CRY1: variants seen among roughly 807,000 people sequenced by gnomAD.
The protein encoded by CRY1 is cryptochrome-1.
CRY1 carries 45 observed loss-of-function variants against 76.0 expected under a neutral mutation model. That is an observed-to-expected ratio of 0.59 (90% CI 0.47 to 0.76). The LOEUF is 0.76. CRY1 is among the 30% of genes least tolerant of loss of function. The pLI is 0.00. For synonymous variants in CRY1, 248 were observed against 244.0 expected (o/e 1.02, Z -0.15); for missense variants, 587 against 716.4 (o/e 0.82, Z 2.06).
intron 1 of CRY1, among the ~76,000 whole-genome samples, chr12:107,035,677 G>C (rs1242415037): frequency 6.6e-6 from 1 of 152,182 alleles, no homozygotes; most frequent in African/African-American, 2.4e-5. Flanking sequence ...CAAGCTCCTT[G>C]AACCATACAG....
At chr12:107,021,350 T>C (rs12309154) in intron 2 of CRY1, among the ~76,000 whole-genome samples, 1,956 of 152,296 alleles carry the variant, frequency 0.013, 46 homozygotes, top group African/African-American at 0.045. Flanking sequence ...TTACAATCCT[T>C]TGACCCAGAA....
chr12:107,083,023 C>T (rs1953347031), intron 1 of CRY1, among the ~76,000 whole-genome samples: 2 of 149,832 alleles, frequency 1.3e-5, no homozygotes. Context: ...ACCACTGATC[C>T]CTCAGAAGTA....
intron 1 of CRY1, among the ~76,000 whole-genome samples, chr12:107,072,742 T>C (rs1354377883): frequency 6.6e-6 from 1 of 152,222 alleles, no homozygotes; most frequent in Non-Finnish European, 1.5e-5. Context: ...TATTTTCATA[T>C]TTTAAAACTA....
chr12:107,037,697 TTTTATTTATTTA>T (rs138096287), intron 1 of CRY1, among the ~76,000 whole-genome samples: 4 of 150,874 alleles, frequency 2.7e-5, no homozygotes, highest in African/African-American at 7.4e-5. Flanking sequence ...TTAGAAATTA[TTTTATTTATTTA>T]TTTATTTATT....
In CRY1 at chr12:107,009,603, A is replaced by ATATATATATATATATATATATATATAT. The variant is rs1566245681; in HGVS notation, c.268-4356_268-4355insATATATATATATATATATATATATATA. 3.9e-4 allele frequency among the ~76,000 whole-genome samples: 3 copies of ATATATATATATATATATATATATATAT among 7,780 alleles called. 1 individual carries two copies. The highest frequency in any genetic ancestry group is 8.5e-4 in the African/African-American group (3 of 3,510). The allele number at this position is 7,780 out of a possible 152,430, so 5.1% of individuals were successfully genotyped here. A position where few individuals can be genotyped will look rare whatever the true frequency, so the allele number is the denominator to read the frequency against. On this transcript the variant is annotated intron_variant, in intron 2 of 12. Transcript: ENST00000008527. ...ATATATATATATATATATATATATA[A>ATATATATATATATATATATATATATAT]AATCTCTATATCTCCAGGTTCACGG...
At chr12:107,061,536 C>T (rs1402712419) in intron 1 of CRY1, among the ~76,000 whole-genome samples, 3 of 152,108 alleles carry the variant, frequency 2.0e-5, no homozygotes, top group East Asian at 1.9e-4. Flanking sequence ...TCCACCACCA[C>T]GCCCGGCTAA....
chr12:107,004,955 T>A (rs1303011798), intron 3 of CRY1, 151 bp downstream of exon 3: 1 of 638,920 alleles, frequency 1.6e-6, no homozygotes, highest in Non-Finnish European at 2.5e-6. Context: ...CCCATAACTC[T>A]GTGAAGTACA....
At chr12:107,068,532 A>G (rs950078367) in intron 1 of CRY1, among the ~76,000 whole-genome samples, 1 of 152,144 alleles carries the variant, frequency 6.6e-6, no homozygotes, top group African/African-American at 2.4e-5. Context: ...TCCTGACCTC[A>G]AGTGATCCAC....
At chr12:107,089,704 A>C (rs777578208) in intron 1 of CRY1, among the ~76,000 whole-genome samples, 36 of 152,212 alleles carry the variant, frequency 2.4e-4, no homozygotes, top group Non-Finnish European at 4.6e-4. Flanking sequence ...CCTGGAGTTG[A>C]AATCACATAT....
chr12:107,050,897 G>C lies in CRY1; in HGVS notation c.159-28705C>G, dbSNP rs115784521. Among the ~76,000 whole-genome samples the C allele has an allele frequency of 6.8e-3, 1,037 of 152,218 alleles. 15 individuals are homozygous for C. Among genetic ancestry groups the C allele is most frequent in the African/African-American group, 0.023 (954 of 41,536 alleles). Reference sequence around the variant, plus strand: ...GCATGAAAGAAAGGAAGAGTGGAATGGATGAGAAAGAGCAGGACAGAAAGA... The same window carrying C: ...GCATGAAAGAAAGGAAGAGTGGAATCGATGAGAAAGAGCAGGACAGAAAGA... On this transcript the variant is annotated intron_variant, in intron 1 of 12. Coordinates refer to ENST00000008527, the MANE Select transcript of CRY1 (RefSeq NM_004075.5).
intron 1 of CRY1, among the ~76,000 whole-genome samples, chr12:107,070,867 AT>A (rs59675852): frequency 0.018 from 2,494 of 135,234 alleles, 89 homozygotes; most frequent in South Asian, 0.042. Flanking sequence ...TGCCTGGCTA[AT>A]TTTTTTTTTT....
intron 2 of CRY1, among the ~76,000 whole-genome samples, chr12:107,006,058 A>G (rs888086996): frequency 6.6e-6 from 1 of 152,248 alleles, no homozygotes; most frequent in Non-Finnish European, 1.5e-5. Flanking sequence ...CCTCCAGATT[A>G]GACAAGGGCT....
chr12:106,992,829 T>C lies in CRY1; in HGVS notation c.1719A>G (p.Thr573=), dbSNP rs1006074505. The change falls in exon 12 of 13, where the codon ACA becomes ACG. Residue 573 remains threonine (T), a synonymous_variant. Transcript: ENST00000008527. The stretch of plus-strand genomic sequence containing the variant: ...TCTGGACTTTAGGACCAATACTCTG[T>C]GTGTCCTCTTCCTGACTAGGACGTT... The part of the protein sequence containing the change: ...GGKRPSQEED[T]QSIGPKVQRQ... The C allele has an allele frequency of 2.4e-5, 39 of 1,614,072 alleles. No homozygotes were observed. The highest frequency in any genetic ancestry group is 3.3e-5 in the Non-Finnish European group (39 of 1,179,930).
At position 107,055,594 on chromosome 12, in the gene CRY1, T is replaced by TAAAA. The variant is rs535199292; in HGVS notation, c.159-33406_159-33403dup. On this transcript the variant is annotated intron_variant, in intron 1 of 12. Coordinates refer to ENST00000008527, the MANE Select transcript of CRY1 (RefSeq NM_004075.5). ...GAAATAAAATTAACACATTCTGAAA[T>TAAAA]AAAAAACAAACCTACCATAGTGAAG... Among the ~76,000 whole-genome samples the TAAAA allele has an allele frequency of 4.6e-3, 703 of 151,980 alleles. 5 individuals are homozygous for TAAAA. Among genetic ancestry groups the TAAAA allele is most frequent in the African/African-American group, 0.016 (664 of 41,448 alleles).
At chr12:107,070,932 C>T (rs538740434) in intron 1 of CRY1, among the ~76,000 whole-genome samples, 1 of 151,242 alleles carries the variant, frequency 6.6e-6, no homozygotes, top group Non-Finnish European at 1.5e-5. Context: ...TCTCGATCTC[C>T]TGACCTGGTG....
chr12:107,029,223 G>A (rs1173372629), intron 1 of CRY1, among the ~76,000 whole-genome samples: 1 of 151,944 alleles, frequency 6.6e-6, no homozygotes, highest in Non-Finnish European at 1.5e-5. Flanking sequence ...TTATTTTGAG[G>A]GATTACTCTG....
At chr12:107,025,777 C>T (rs1952601450) in intron 1 of CRY1, among the ~76,000 whole-genome samples, 1 of 152,102 alleles carries the variant, frequency 6.6e-6, no homozygotes, top group East Asian at 1.9e-4. Flanking sequence ...TTTTCAACGA[C>T]TCATTCCCTA....
Position 106,995,305 on chromosome 12 carries a change from G to A in CRY1, c.1585+1989C>T, listed in dbSNP as rs144854598. Among the ~76,000 whole-genome samples the A allele has an allele frequency of 1.3e-4, 20 of 152,208 alleles. No individual in the cohort carries two copies. The East Asian group carries it at 3.9e-3, about 29-fold the overall frequency. ...TCCCCTTCTCCCAAAACTAATTCTTGGAGGATAAAATACATGCTGTTTTCA... is the reference window on the plus strand; with the variant it reads ...TCCCCTTCTCCCAAAACTAATTCTTAGAGGATAAAATACATGCTGTTTTCA... On this transcript the variant is annotated intron_variant, in intron 10 of 12. Transcript: ENST00000008527.
At chr12:107,017,213 C>A (rs1952506119) in intron 2 of CRY1, among the ~76,000 whole-genome samples, 1 of 152,268 alleles carries the variant, frequency 6.6e-6, no homozygotes, top group African/African-American at 2.4e-5. Flanking sequence ...TGGCTTCCAG[C>A]CACCTCTCCG....
Sources: gnomAD v4.1 joint callset for allele counts (sites outside exome capture counted in the v4.1 genomes callset) on GRCh38, gnomAD v4.1.1 for gene constraint, MANE v1.5 for transcripts, NCBI Gene and HGNC (gene_info 2026-07-23, HGNC 2026-07-21) for gene names.